Variants in SYT1 observed in about 807,000 individuals in gnomAD.
The protein encoded by SYT1 is synaptotagmin 1, also known as synaptotagmin-1.
SYT1 carries 8 observed loss-of-function variants against 44.8 expected under a neutral mutation model. The observed-to-expected ratio is 0.18, with a 90% CI of 0.10 to 0.32. The LOEUF (loss-of-function observed/expected upper bound fraction) is 0.32, where lower values mean the gene tolerates loss of function less well. Among genes scored for constraint, SYT1 ranks in the 10% least tolerant of loss-of-function variants. SYT1 has a pLI of 1.00. For synonymous variants in SYT1, 154 were observed against 188.8 expected (o/e 0.82, Z 1.51); for missense variants, 286 against 509.3 (o/e 0.56, Z 4.22).
At chr12:79,054,590 C>T (rs1874791304) in intron 3 of SYT1, among the ~76,000 whole-genome samples, 1 of 151,952 alleles carries the variant, frequency 6.6e-6, no homozygotes, top group South Asian at 2.1e-4. Flanking sequence ...AACTTTGGTA[C>T]AACTTTGGAA....
intron 2 of SYT1, among the ~76,000 whole-genome samples, chr12:79,019,388 A>G (rs1457465131): frequency 1.3e-5 from 2 of 152,056 alleles, no homozygotes; most frequent in African/African-American, 4.8e-5. Context: ...TACCATCAAC[A>G]TTCCAGGGTT....
chr12:78,994,090 G>A (rs1359820280), intron 2 of SYT1, among the ~76,000 whole-genome samples: 6 of 152,084 alleles, frequency 3.9e-5, no homozygotes, highest in South Asian at 2.1e-4. Context: ...CCTCAACTTC[G>A]TACTGCTTTT....
At chr12:79,314,624 G>A (rs1880992014) in intron 8 of SYT1, among the ~76,000 whole-genome samples, 1 of 152,102 alleles carries the variant, frequency 6.6e-6, no homozygotes, top group African/African-American at 2.4e-5. Flanking sequence ...GCTAATGGAA[G>A]GTAAAATGAT....
intron 3 of SYT1, among the ~76,000 whole-genome samples, chr12:79,131,777 G>A (rs961941942): frequency 2.0e-5 from 3 of 151,950 alleles, no homozygotes; most frequent in African/African-American, 4.8e-5. Flanking sequence ...TTTTTCTATG[G>A]AAAGTTAAGA....
At chr12:79,412,379 G>A (rs1018528541) in intron 9 of SYT1, among the ~76,000 whole-genome samples, 1 of 152,166 alleles carries the variant, frequency 6.6e-6, no homozygotes, top group Non-Finnish European at 1.5e-5. Context: ...CTCTTAGTTT[G>A]CATGCTTCAG....
intron 1 of SYT1, among the ~76,000 whole-genome samples, chr12:78,907,859 C>A (rs1272846771): frequency 6.6e-6 from 1 of 151,966 alleles, no homozygotes; most frequent in African/African-American, 2.4e-5. Context: ...ATCAAGATGA[C>A]TGTTTGTACA....
At chr12:78,965,497 G>A (rs1879721266) in intron 1 of SYT1, among the ~76,000 whole-genome samples, 1 of 152,112 alleles carries the variant, frequency 6.6e-6, no homozygotes, top group African/African-American at 2.4e-5. Flanking sequence ...AAATACATGT[G>A]TTCCCCTCAA....
chr12:79,074,177 A>G (rs1231629136), intron 3 of SYT1, among the ~76,000 whole-genome samples: 1 of 152,150 alleles, frequency 6.6e-6, no homozygotes, highest in Non-Finnish European at 1.5e-5. Context: ...ATAACACCAT[A>G]TACAGGACTT....
At chr12:79,136,866 T>C (rs1289985198) in intron 3 of SYT1, among the ~76,000 whole-genome samples, 1 of 152,176 alleles carries the variant, frequency 6.6e-6, no homozygotes, top group African/African-American at 2.4e-5. Context: ...TTAAAATTGA[T>C]TTCCTTCCCA....
intron 3 of SYT1, among the ~76,000 whole-genome samples, chr12:79,167,258 A>G (rs1038942861): frequency 3.9e-5 from 6 of 152,084 alleles, no homozygotes; most frequent in African/African-American, 1.4e-4. Context: ...TACTTTGGGT[A>G]TCTACAAGAT....
At chr12:79,164,282 A>G (rs912517707) in intron 3 of SYT1, among the ~76,000 whole-genome samples, 1 of 152,076 alleles carries the variant, frequency 6.6e-6, no homozygotes, top group Non-Finnish European at 1.5e-5. Context: ...TTCACAGAGA[A>G]TTTAGTGGGC....
intron 3 of SYT1, among the ~76,000 whole-genome samples, chr12:79,207,808 C>T (rs7304549): frequency 3.3e-5 from 5 of 151,970 alleles, no homozygotes; most frequent in Non-Finnish European, 5.9e-5. Flanking sequence ...TCTTTAAGAA[C>T]GACGGCTCCT....
At chr12:79,157,840 C>T (rs766796152) in intron 3 of SYT1, among the ~76,000 whole-genome samples, 6 of 152,064 alleles carry the variant, frequency 3.9e-5, no homozygotes, top group Non-Finnish European at 8.8e-5. Context: ...CTATTATTAT[C>T]CCCCATTTTA....
chr12:79,368,405 A>G (rs1354557079), intron 9 of SYT1, among the ~76,000 whole-genome samples: 3 of 152,136 alleles, frequency 2.0e-5, no homozygotes, highest in South Asian at 4.1e-4. Flanking sequence ...TCCTTTGGGT[A>G]TATACCCAGT....
At chr12:79,201,410 T>G (rs1466849845) in intron 3 of SYT1, among the ~76,000 whole-genome samples, 1 of 152,160 alleles carries the variant, frequency 6.6e-6, no homozygotes, top group African/African-American at 2.4e-5. Context: ...CAAAAATACT[T>G]TCAGTTCTGT....
At chr12:78,920,318 T>A (rs952391913) in intron 1 of SYT1, among the ~76,000 whole-genome samples, 1 of 152,004 alleles carries the variant, frequency 6.6e-6, no homozygotes, top group Admixed American at 6.6e-5. Context: ...GTTATAGATA[T>A]AATACCTGTG....
Position 79,092,783 on chromosome 12 carries a change from G to T in SYT1, c.-18+45421G>T, listed in dbSNP as rs74110141. ...TTTCATTGAAGAAAAGCAATTTGGG[G>T]CTATAACTGACTGCAAGATGCTTTT... On this transcript the variant is annotated intron_variant, in intron 3 of 10. Coordinates refer to ENST00000261205, the MANE Select transcript of SYT1 (RefSeq NM_005639.3). 8.5e-4 allele frequency among the ~76,000 whole-genome samples: 129 copies of T among 151,692 alleles called. 1 individual carries two copies. Among genetic ancestry groups the T allele is most frequent in the African/African-American group, 3.0e-3 (126 of 41,478 alleles).
rs551436477 is a variant in SYT1 at position 79,314,315 on chromosome 12, T to G, written c.810+14764T>G. On this transcript the variant is annotated intron_variant, in intron 8 of 10. Transcript: ENST00000261205. ...TTTGAGGACAGTGGGACAGCCTAAG[T>G]GTTCAGAAGGCATTGTCATACATGG... Among the ~76,000 whole-genome samples, 14 of 152,246 alleles carry G rather than the reference T, an allele frequency of 9.2e-5. No individual in the cohort carries two copies. The East Asian group carries it at 2.7e-3, about 29-fold the overall frequency.
At chr12:79,140,818 A>G (rs117806291) in intron 3 of SYT1, among the ~76,000 whole-genome samples, 172 of 152,342 alleles carry the variant, frequency 1.1e-3, no homozygotes, top group Non-Finnish European at 1.9e-3. Flanking sequence ...AGAAGCCTAT[A>G]GGCTAACAGA....
Sources: gnomAD v4.1 joint callset for allele counts (sites outside exome capture counted in the v4.1 genomes callset) on GRCh38, gnomAD v4.1.1 for gene constraint, MANE v1.5 for transcripts, NCBI Gene and HGNC (gene_info 2026-07-23, HGNC 2026-07-21) for gene names.